ITGB5: variants seen among roughly 807,000 people sequenced by gnomAD.
ITGB5 encodes integrin beta-5.
ITGB5 carries 38 observed loss-of-function variants against 84.8 expected under a neutral mutation model. The observed-to-expected ratio is 0.45, with a 90% CI of 0.35 to 0.59. ITGB5 has a LOEUF of 0.59. ITGB5 is among the 20% of genes least tolerant of loss of function. The pLI is 0.01. For missense variants in ITGB5, 905 were observed against 1,034.5 expected, an observed-to-expected ratio of 0.87 and a Z score of 1.72; for synonymous variants, 393 against 414.4, an observed-to-expected ratio of 0.95 and a Z score of 0.63.
At chr3:124,888,416 T>A (rs909906345), upstream of ITGB5, among the ~76,000 whole-genome samples, 1 of 152,148 alleles carries the variant, frequency 6.6e-6, no homozygotes, top group Non-Finnish European at 1.5e-5. Flanking sequence ...GGTGGGGTCT[T>A]CCTCAGATGG....
At position 124,764,455 on chromosome 3, in the gene ITGB5, G is replaced by A; in HGVS notation, c.2240C>T (p.Thr747Ile). ...TGCAAACTCCCTCCGGTCGTGGATG[G>A]TGACAAGCAGCTTCCAGATAGCCAG... ...ALLAIWKLLV[T>I]IHDRREFAKF... The change falls in exon 14 of 15, where the codon ACC becomes ATC. Residue 747 changes from threonine to isoleucine, a missense_variant. Thr to Ile is a moderately conservative substitution (Grantham distance 89, BLOSUM62 -1). Coordinates refer to ENST00000296181, the MANE Select transcript of ITGB5 (RefSeq NM_002213.5). 6.2e-7 allele frequency: 1 copy of A among 1,614,112 alleles called. No homozygotes were observed. Among genetic ancestry groups the A allele is most frequent in the Non-Finnish European group, 8.5e-7 (1 of 1,180,014 alleles).
intron 3 of ITGB5, among the ~76,000 whole-genome samples, chr3:124,852,622 G>T (rs13322493): frequency 0.11 from 16,108 of 151,980 alleles, 1,058 homozygotes; most frequent in South Asian, 0.17. Flanking sequence ...TGAAAAGTTG[G>T]CATTTTCCTT....
At chr3:124,786,173 G>C (rs1028831629) in intron 10 of ITGB5, among the ~76,000 whole-genome samples, 2 of 152,178 alleles carry the variant, frequency 1.3e-5, no homozygotes, top group Admixed American at 6.5e-5. Context: ...CTCATGATGA[G>C]TGCAAAACAC....
intron 4 of ITGB5, among the ~76,000 whole-genome samples, chr3:124,841,951 G>A (rs1201139828): frequency 6.6e-6 from 1 of 152,224 alleles, no homozygotes; most frequent in Non-Finnish European, 1.5e-5. Flanking sequence ...ATGATGCCCA[G>A]TGAGGGCAAT....
chr3:124,763,668 G>T lies in ITGB5; in HGVS notation c.2355C>A (p.Phe785Leu). The change falls in exon 15 of 15, where the codon TTC becomes TTA. Residue 785 changes from phenylalanine (F) to leucine (L), a missense_variant. By Grantham distance (22) the Phe-to-Leu change is conservative (BLOSUM62 0). Coordinates refer to ENST00000296181, the MANE Select transcript of ITGB5 (RefSeq NM_002213.5). ...AGGATTTGTTGAACTTGTTGAAGGT[G>T]AAGTCCACAGTGTGCGTGGAGATAG... is the stretch of plus-strand genomic sequence containing the variant. ...RKPISTHTVD[F>L]TFNKFNKSYN... is the part of the protein sequence containing the mutation. The T allele has an allele frequency of 6.2e-7, 1 of 1,610,342 alleles. No individual in the cohort carries two copies. Among genetic ancestry groups the T allele is most frequent in the Non-Finnish European group, 8.5e-7 (1 of 1,176,474 alleles).
intron 9 of ITGB5, among the ~76,000 whole-genome samples, chr3:124,802,960 A>C (rs1412629161): frequency 1.3e-5 from 2 of 152,044 alleles, no homozygotes; most frequent in Non-Finnish European, 2.9e-5. Context: ...AGCTCGGGTC[A>C]GTTGCCTAGG....
intron 6 of ITGB5, among the ~76,000 whole-genome samples, chr3:124,820,969 A>AT (rs1214393279): frequency 1.3e-5 from 2 of 152,160 alleles, no homozygotes; most frequent in African/African-American, 4.8e-5. Flanking sequence ...TGACTTCTGC[A>AT]GGGGCACAGC....
At chr3:124,872,131 C>T (rs913807601) in intron 2 of ITGB5, among the ~76,000 whole-genome samples, 10 of 152,094 alleles carry the variant, frequency 6.6e-5, no homozygotes, top group African/African-American at 2.2e-4. Context: ...CAATTAATCA[C>T]AAATATGATT....
chr3:124,796,379 G>A lies in ITGB5; in HGVS notation c.1693+9C>T. The A allele has an allele frequency of 6.3e-7, 1 of 1,592,850 alleles. No homozygotes were observed. Among genetic ancestry groups the A allele is most frequent in the Non-Finnish European group, 8.6e-7 (1 of 1,166,180 alleles). On this transcript the variant is annotated intron_variant, in intron 10 of 14. Coordinates refer to ENST00000296181, the MANE Select transcript of ITGB5 (RefSeq NM_002213.5). ...GCTCAGAGCTAAAGTGCTTGCTGGG[G>A]ACACTTACCTGAGCAGAGGACTCCC...
chr3:124,881,981 G>A (rs182024763), intron 1 of ITGB5, among the ~76,000 whole-genome samples: 1 of 152,092 alleles, frequency 6.6e-6, no homozygotes, highest in African/African-American at 2.4e-5. Flanking sequence ...AAAAAATCCT[G>A]ACACATTCCA....
At chr3:124,850,130 C>T (rs1387778718) in intron 3 of ITGB5, among the ~76,000 whole-genome samples, 1 of 152,068 alleles carries the variant, frequency 6.6e-6, no homozygotes, top group African/African-American at 2.4e-5. Context: ...CCTTCTTTAA[C>T]TTGCAGGGAA....
chr3:124,767,788 G>A (rs2063788238), intron 12 of ITGB5, among the ~76,000 whole-genome samples: 1 of 152,234 alleles, frequency 6.6e-6, no homozygotes, highest in African/African-American at 2.4e-5. Context: ...ATATTAAGAA[G>A]GAGCTGGGCA....
intron 5 of ITGB5, among the ~76,000 whole-genome samples, chr3:124,840,229 A>G (rs573543455): frequency 6.6e-6 from 1 of 152,346 alleles, no homozygotes; most frequent in East Asian, 1.9e-4. Flanking sequence ...GGCTCTCTAG[A>G]CTGAGTTCTA....
chr3:124,847,768 T>A (rs1325969382), intron 4 of ITGB5, among the ~76,000 whole-genome samples: 1 of 152,198 alleles, frequency 6.6e-6, no homozygotes. Context: ...CTGGCAGCAG[T>A]TAGAGACACC....
intron 5 of ITGB5, among the ~76,000 whole-genome samples, chr3:124,824,256 C>A (rs4678169): frequency 0.45 from 68,974 of 151,826 alleles, 17,559 homozygotes; most frequent in African/African-American, 0.68. Flanking sequence ...GATCAGTGGA[C>A]TGGGATAGAT....
intron 8 of ITGB5, among the ~76,000 whole-genome samples, chr3:124,811,663 T>C (rs1339900448): frequency 6.6e-6 from 1 of 152,204 alleles, no homozygotes. Context: ...GGAAATGGAC[T>C]CTTATGTTCT....
chr3:124,776,244 C>T (rs1330308243), intron 10 of ITGB5, among the ~76,000 whole-genome samples: 1 of 152,180 alleles, frequency 6.6e-6, no homozygotes, highest in Non-Finnish European at 1.5e-5. Flanking sequence ...TGCCCCTCCT[C>T]TCCACCAGTC....
rs1021735566 is a variant in ITGB5, at chr3:124,803,804, G to A, written c.1263+5218C>T. 5.9e-5 allele frequency among the ~76,000 whole-genome samples: 9 copies of A among 152,196 alleles called. No individual in the cohort carries two copies. In the East Asian group the frequency reaches 9.6e-4, roughly 16 times the overall value. ...GAAATAGGTTTGGTAGAATAGAATC[G>A]TGGGCACCAAGAAGCCGGATAAAGG... On this transcript the variant is annotated intron_variant, in intron 9 of 14. Transcript: ENST00000296181.
intron 9 of ITGB5, 72 bp downstream of exon 9, chr3:124,808,950 A>G: frequency 6.5e-7 from 1 of 1,530,768 alleles, no homozygotes. Flanking sequence ...AATAAGTCAC[A>G]AAAGTTATTA....
Sources: allele counts gnomAD v4.1 joint callset (sites outside exome capture counted in the v4.1 genomes callset), GRCh38; gene constraint gnomAD v4.1.1; transcripts MANE v1.5; gene names NCBI Gene and HGNC (gene_info 2026-07-23, HGNC 2026-07-21).